CNTN4: variants seen among roughly 807,000 people sequenced by gnomAD.
CNTN4 encodes contactin-4.
In CNTN4, 77 loss-of-function variants were observed where a neutral mutation model predicts 122.5. That is an observed-to-expected ratio of 0.63 (90% CI 0.52 to 0.76). The LOEUF is 0.76. Among genes scored for constraint, CNTN4 ranks in the 30% least tolerant of loss-of-function variants. CNTN4 has a pLI of 0.00. For missense variants in CNTN4, 1,256 were observed against 1,259.1 expected, an observed-to-expected ratio of 1.00 and a Z score of 0.04; for synonymous variants, 512 against 447.0, an observed-to-expected ratio of 1.15 and a Z score of -1.83.
intron 2 of CNTN4, among the ~76,000 whole-genome samples, chr3:2,128,683 G>A (rs1054486361): frequency 2.6e-5 from 4 of 152,214 alleles, no homozygotes; most frequent in African/African-American, 9.6e-5. Flanking sequence ...TTATGGTGGT[G>A]TAAATTCAGT....
intron 7 of CNTN4, among the ~76,000 whole-genome samples, chr3:2,828,711 C>A (rs578249363): frequency 1.3e-5 from 2 of 152,258 alleles, no homozygotes; most frequent in South Asian, 2.1e-4. Context: ...TACTAGATAC[C>A]TTTTTTAAAA....
intron 6 of CNTN4, among the ~76,000 whole-genome samples, chr3:2,811,318 G>T (rs1472520555): frequency 6.7e-6 from 1 of 148,826 alleles, no homozygotes; most frequent in Non-Finnish European, 1.5e-5. Context: ...TGAGGCAGGA[G>T]AATCACTTAA....
At chr3:2,255,669 A>G (rs1463346133) in intron 2 of CNTN4, among the ~76,000 whole-genome samples, 1 of 152,218 alleles carries the variant, frequency 6.6e-6, no homozygotes, top group Non-Finnish European at 1.5e-5. Flanking sequence ...GAAACTGAAC[A>G]ACCTGCTGCT....
intron 12 of CNTN4, among the ~76,000 whole-genome samples, chr3:2,916,737 C>CT (rs1275263545): frequency 1.4e-5 from 2 of 143,550 alleles, no homozygotes; most frequent in African/African-American, 2.8e-5. Context: ...GACGGGGTGG[C>CT]GGCCGGGCAG....
intron 2 of CNTN4, among the ~76,000 whole-genome samples, chr3:2,338,785 G>A (rs1267257484): frequency 6.6e-6 from 1 of 152,020 alleles, no homozygotes; most frequent in African/African-American, 2.4e-5. Context: ...TAACAAAAAC[G>A]ATGACGTCTC....
At position 2,295,347 on chromosome 3, in the gene CNTN4, C is replaced by G. The variant is rs550567152; in HGVS notation, c.-144-43831C>G. Among the ~76,000 whole-genome samples the G allele has an allele frequency of 1.1e-3, 148 of 134,782 alleles. 1 individual carries two copies. Among genetic ancestry groups the G allele is most frequent in the African/African-American group, 4.0e-3 (136 of 33,720 alleles). 88.4% of individuals were successfully genotyped at this position (134,782 alleles called of 152,430 possible). A position where few individuals can be genotyped will look rare whatever the true frequency, so the allele number is the denominator to read the frequency against. ...CATCCTCTCCAGCACCTGTTGTTTC[C>G]TGACTTTTGAATGATCGCCATTGTA... is the stretch of plus-strand genomic sequence containing the variant. On this transcript the variant is annotated intron_variant, in intron 2 of 24. Transcript: ENST00000418658.
At chr3:3,037,140 G>A in intron 17 of CNTN4, 39 bp from the exon 18 acceptor site, 1 of 1,611,970 alleles carries the variant, frequency 6.2e-7, no homozygotes, top group Non-Finnish European at 8.5e-7. Context: ...TGTTTTCTGA[G>A]AACCTATGAA....
chr3:2,736,562 C>T (rs956481200), intron 5 of CNTN4, among the ~76,000 whole-genome samples: 1 of 151,564 alleles, frequency 6.6e-6, no homozygotes, highest in Non-Finnish European at 1.5e-5. Flanking sequence ...CTCCCAGGTT[C>T]AAGCGATTCT....
chr3:2,511,055 T>G (rs1231526600), intron 3 of CNTN4, among the ~76,000 whole-genome samples: 1 of 152,098 alleles, frequency 6.6e-6, no homozygotes, highest in African/African-American at 2.4e-5. Flanking sequence ...GAAAAGAACA[T>G]ACACGTGTAT....
chr3:2,637,792 C>T (rs552627240), intron 4 of CNTN4, among the ~76,000 whole-genome samples: 1 of 152,284 alleles, frequency 6.6e-6, no homozygotes, highest in African/African-American at 2.4e-5. Flanking sequence ...ATCTAATACT[C>T]ATGCCTACCC....
intron 4 of CNTN4, among the ~76,000 whole-genome samples, chr3:2,626,607 G>C (rs946941464): frequency 6.6e-6 from 1 of 152,136 alleles, no homozygotes; most frequent in Non-Finnish European, 1.5e-5. Context: ...AATTACCCAA[G>C]AGGAGAGGAA....
intron 3 of CNTN4, among the ~76,000 whole-genome samples, chr3:2,494,189 T>C (rs898440395): frequency 1.3e-5 from 2 of 152,182 alleles, no homozygotes; most frequent in African/African-American, 4.8e-5. Flanking sequence ...GACCAAGGCC[T>C]AAGGCACAGT....
Position 2,773,990 on chromosome 3 carries a change from C to T in CNTN4, c.358+28293C>T, listed in dbSNP as rs4075531. On this transcript the variant is annotated intron_variant, in intron 6 of 24. Coordinates refer to ENST00000418658, the MANE Select transcript of CNTN4 (RefSeq NM_175607.3). ...GGCCAGGCTGGTCTCGAACTTTGGA[C>T]CTCAAGTGATCCACTTGCCTCAACC... 1.9e-3 allele frequency among the ~76,000 whole-genome samples: 289 copies of T among 152,022 alleles called. 1 individual carries two copies. Among genetic ancestry groups the T allele is most frequent in the African/African-American group, 6.5e-3 (269 of 41,432 alleles).
intron 6 of CNTN4, among the ~76,000 whole-genome samples, chr3:2,810,123 T>G (rs932894030): frequency 1.3e-5 from 2 of 152,178 alleles, no homozygotes; most frequent in Admixed American, 1.3e-4. Context: ...AAGTTATATA[T>G]AGGGACTTCT....
intron 6 of CNTN4, among the ~76,000 whole-genome samples, chr3:2,812,340 G>A (rs756006032): frequency 3.9e-5 from 6 of 152,156 alleles, no homozygotes; most frequent in Admixed American, 6.5e-5. Flanking sequence ...AGTAACACAA[G>A]CATTCTCAGA....
chr3:2,486,092 C>G (rs768455188), intron 3 of CNTN4, among the ~76,000 whole-genome samples: 3 of 152,106 alleles, frequency 2.0e-5, no homozygotes, highest in Non-Finnish European at 2.9e-5. Context: ...TGAGGCCAGC[C>G]AGACCACGAA....
rs6809629 is a variant in CNTN4 at position 2,473,519 on chromosome 3, G to A, written c.-88-97897G>A. Among the ~76,000 whole-genome samples the A allele has an allele frequency of 3.8e-3, 581 of 152,188 alleles. 5 individuals carry two copies. Among genetic ancestry groups the A allele is most frequent in the African/African-American group, 0.014 (566 of 41,514 alleles). On this transcript the variant is annotated intron_variant, in intron 3 of 24. Transcript: ENST00000418658. ...TCAGATAAAATTAAAATTTCAGTTC[G>A]TAAATTATACTACCCTTATTTCAGA... is the stretch of plus-strand genomic sequence containing the variant.
chr3:3,014,079 CA>C (rs1697504116), intron 14 of CNTN4, among the ~76,000 whole-genome samples: 8 of 152,064 alleles, frequency 5.3e-5, no homozygotes, highest in South Asian at 2.1e-4. Flanking sequence ...CACACACACA[CA>C]CACACACCCC....
chr3:2,962,390 C>A (rs2094870253), intron 13 of CNTN4, among the ~76,000 whole-genome samples: 1 of 152,172 alleles, frequency 6.6e-6, no homozygotes, highest in Non-Finnish European at 1.5e-5. Context: ...TCTTTGTTCA[C>A]CAGGCTAAAT....
Sources: gnomAD v4.1 joint callset for allele counts (sites outside exome capture counted in the v4.1 genomes callset) on GRCh38, gnomAD v4.1.1 for gene constraint, MANE v1.5 for transcripts, NCBI Gene and HGNC (gene_info 2026-07-23, HGNC 2026-07-21) for gene names.